The following CDH11 variants were observed in gnomAD, a reference collection of about 807,000 sequenced individuals.
CDH11 encodes the protein cadherin 11.
In CDH11, 11 loss-of-function variants were observed where a neutral mutation model predicts 67.8. The ratio of observed to expected loss-of-function variants is 0.16; its 90% CI spans 0.10 to 0.27. The LOEUF (loss-of-function observed/expected upper bound fraction) is 0.27. CDH11 is among the 10% of genes least tolerant of loss of function. The probability of loss-of-function intolerance (pLI) is 1.00; values close to 1 mark genes in which losing one functional copy is unlikely to be tolerated. For synonymous variants in CDH11, 419 were observed against 400.0 expected (o/e 1.05, Z -0.57); for missense variants, 847 against 1,031.2 (o/e 0.82, Z 2.45).
At chr16:65,045,182 T>C (rs1315976187) in intron 2 of CDH11, among the ~76,000 whole-genome samples, 1 of 151,538 alleles carries the variant, frequency 6.6e-6, no homozygotes, top group Non-Finnish European at 1.5e-5. Flanking sequence ...GAAAAGTGTT[T>C]GGGAGTGTTA....
chr16:65,062,369 C>T (rs1210331210), intron 1 of CDH11, among the ~76,000 whole-genome samples: 1 of 152,162 alleles, frequency 6.6e-6, no homozygotes, highest in Non-Finnish European at 1.5e-5. Context: ...ACTGCAAACA[C>T]ACACACACAC....
chr16:64,952,500 C>T (rs1244818299), intron 11 of CDH11, among the ~76,000 whole-genome samples: 1 of 152,194 alleles, frequency 6.6e-6, no homozygotes, highest in Non-Finnish European at 1.5e-5. Context: ...ATTTCCCAAT[C>T]TTTTGTAGCC....
intron 1 of CDH11, among the ~76,000 whole-genome samples, chr16:65,105,572 G>C (rs1375351203): frequency 6.6e-6 from 1 of 152,212 alleles, no homozygotes; most frequent in Non-Finnish European, 1.5e-5. Flanking sequence ...TCTCACATTT[G>C]AGAGCATGTG....
chr16:65,004,583 A>G, intron 3 of CDH11, 59 bp downstream of exon 3: 1 of 1,530,808 alleles, frequency 6.5e-7, no homozygotes, highest in Admixed American at 2.0e-5. Flanking sequence ...CTTTCTGGCC[A>G]CAGACGACTA....
chr16:65,114,452 A>G, intron 1 of CDH11, among the ~76,000 whole-genome samples: 1 of 152,046 alleles, frequency 6.6e-6, no homozygotes, highest in East Asian at 1.9e-4. Context: ...GAGCTTAGAT[A>G]AGTGTCTTAA....
intron 12 of CDH11, chr16:64,948,642 A>C (rs1333542560): frequency 1.2e-6 from 2 of 1,612,058 alleles, no homozygotes; most frequent in African/African-American, 2.7e-5. Context: ...TAGCCACCAC[A>C]TAGAGGAAAG....
chr16:65,051,166 C>G (rs796367705), intron 2 of CDH11, among the ~76,000 whole-genome samples: 8 of 152,242 alleles, frequency 5.3e-5, no homozygotes, highest in African/African-American at 1.9e-4. Context: ...CTAGGATAAG[C>G]GTTTTCAATC....
At chr16:64,973,299 G>A (rs2072064062) in intron 8 of CDH11, among the ~76,000 whole-genome samples, 1 of 152,152 alleles carries the variant, frequency 6.6e-6, no homozygotes, top group African/African-American at 2.4e-5. Flanking sequence ...ATAATGTGGT[G>A]CATATTTCTC....
chr16:65,007,780 T>C (rs1166687388), intron 2 of CDH11, among the ~76,000 whole-genome samples: 1 of 152,208 alleles, frequency 6.6e-6, no homozygotes, highest in African/African-American at 2.4e-5. Context: ...TCATACCTTG[T>C]CTCCTTACTA....
intron 4 of CDH11, among the ~76,000 whole-genome samples, chr16:64,998,343 C>T (rs571201833): frequency 1.3e-4 from 20 of 152,238 alleles, no homozygotes; most frequent in Non-Finnish European, 2.5e-4. Flanking sequence ...GACATCAATA[C>T]GCACTAGCGA....
chr16:65,076,603 C>T (rs773776779), intron 1 of CDH11, among the ~76,000 whole-genome samples: 66 of 152,128 alleles, frequency 4.3e-4, no homozygotes, highest in Middle Eastern at 3.4e-3. Flanking sequence ...TAGGTATACA[C>T]GTGCCATGGT....
intron 1 of CDH11, among the ~76,000 whole-genome samples, chr16:65,064,228 C>T (rs978567176): frequency 6.6e-6 from 1 of 152,210 alleles, no homozygotes; most frequent in South Asian, 2.1e-4. Context: ...ATTAGAAAGA[C>T]TTTGGCATAA....
chr16:65,038,844 T>C (rs1250336568), intron 2 of CDH11, among the ~76,000 whole-genome samples: 1 of 152,234 alleles, frequency 6.6e-6, no homozygotes, highest in Admixed American at 6.5e-5. Flanking sequence ...CATTCCCTTG[T>C]TTCCTACCGC....
chr16:64,989,035 T>C (rs2072563536), intron 6 of CDH11, among the ~76,000 whole-genome samples: 1 of 152,150 alleles, frequency 6.6e-6, no homozygotes, highest in Non-Finnish European at 1.5e-5. Flanking sequence ...TGTTTGCTTG[T>C]TTTGTTTACT....
chr16:65,051,105 T>C (rs973617894), intron 2 of CDH11, among the ~76,000 whole-genome samples: 5 of 152,168 alleles, frequency 3.3e-5, no homozygotes, highest in African/African-American at 9.7e-5. Flanking sequence ...GAGTCAGTCC[T>C]ACAATTTCCA....
intron 5 of CDH11, among the ~76,000 whole-genome samples, chr16:64,992,350 G>T (rs2072649869): frequency 6.6e-6 from 1 of 152,182 alleles, no homozygotes; most frequent in Non-Finnish European, 1.5e-5. Flanking sequence ...TTTAAAGCAG[G>T]AGGTGCATAT....
chr16:65,005,164 C>T (rs909599083), intron 2 of CDH11, 123 bp from the exon 3 acceptor site: 5 of 835,546 alleles, frequency 6.0e-6, no homozygotes, highest in Non-Finnish European at 8.2e-6. Context: ...TTTGGGGAAG[C>T]TCACTGACTG....
At chr16:65,021,357 G>A (rs952321055) in intron 2 of CDH11, among the ~76,000 whole-genome samples, 46 of 152,154 alleles carry the variant, frequency 3.0e-4, no homozygotes, top group African/African-American at 1.1e-3. Flanking sequence ...CCAGAATGGG[G>A]TCTCTGGCAC....
chr16:65,053,383 A>C (rs985549902), intron 2 of CDH11, among the ~76,000 whole-genome samples: 10 of 152,152 alleles, frequency 6.6e-5, no homozygotes, highest in African/African-American at 2.4e-4. Context: ...TTGAAGTCTA[A>C]AAGGTTCAGC....
Sources: allele counts gnomAD v4.1 joint callset (sites outside exome capture counted in the v4.1 genomes callset), GRCh38; gene constraint gnomAD v4.1.1; transcripts MANE v1.5; gene names NCBI Gene and HGNC (gene_info 2026-07-23, HGNC 2026-07-21).